The following HGS variants were observed in gnomAD, a reference collection of about 807,000 sequenced individuals.
The protein encoded by HGS is human growth factor-regulated tyrosine kinase substrate.
A neutral mutation model predicts 109.7 loss-of-function variants in HGS; 63 were observed. The ratio of observed to expected loss-of-function variants is 0.57; its 90% CI spans 0.47 to 0.71. HGS has a LOEUF of 0.71. HGS is among the 30% of genes least tolerant of loss of function. The pLI, the probability that HGS is intolerant of heterozygous loss-of-function variation, is 0.00. For synonymous variants in HGS, 546 were observed against 437.3 expected, an observed-to-expected ratio of 1.25 and a Z score of -3.10; for missense variants, 995 against 1,068.3, an observed-to-expected ratio of 0.93 and a Z score of 0.96.
chr17:81,684,771 G>C, intron 1 of HGS: 2 of 247,848 alleles, frequency 8.1e-6, no homozygotes, highest in Non-Finnish European at 1.3e-5. Context: ...AGGAGCTTGG[G>C]TGGTCGAATG....
chr17:81,687,392 C>T (rs1427174561), intron 4 of HGS, among the ~76,000 whole-genome samples: 2 of 152,056 alleles, frequency 1.3e-5, no homozygotes, highest in Admixed American at 6.6e-5. Flanking sequence ...GGCTTGGGCA[C>T]CTGCTGTCTT....
Position 81,691,219 on chromosome 17 carries a change from A to T in HGS, c.538-228A>T. On this transcript the variant is annotated intron_variant, in intron 7 of 21. Coordinates refer to ENST00000329138, the MANE Select transcript of HGS (RefSeq NM_004712.5). The surrounding 1 kb of genome is among the most constrained non-coding windows in gnomAD (Gnocchi z 5.3). ...TGATGTGTATTTTTTCCTTGCCCTT[A>T]CTTTTAACTTACCTTATTTTCCCCA... is the stretch of plus-strand genomic sequence containing the variant. 1 of 554,126 alleles carries T rather than the reference A, an allele frequency of 1.8e-6. No homozygotes were observed. The highest frequency in any genetic ancestry group is 3.2e-6 in the Non-Finnish European group (1 of 308,424). 34.3% of individuals were successfully genotyped at this position (554,126 alleles called of 1,614,324 possible).
chr17:81,693,155 C>A, intron 8 of HGS: 1 of 281,108 alleles, frequency 3.6e-6, no homozygotes, highest in Non-Finnish European at 6.7e-6. Flanking sequence ...GACCTGTTTG[C>A]CCCTTCTTGG....
chr17:81,701,335 A>G, intron 21 of HGS, 173 bp from the exon 22 acceptor site: 2 of 850,122 alleles, frequency 2.4e-6, no homozygotes, highest in South Asian at 1.7e-5. Context: ...GTAGACAGGA[A>G]AAACCGTGAA....
At chr17:81,686,563 C>T (rs999188258) in intron 3 of HGS, among the ~76,000 whole-genome samples, 176 bp downstream of exon 3, 3 of 152,144 alleles carry the variant, frequency 2.0e-5, no homozygotes, top group Non-Finnish European at 2.9e-5. Flanking sequence ...GAGAGGGTCA[C>T]GCTGAGGGAG....
At chr17:81,689,451 TAG>T (rs2037031573) in intron 5 of HGS, among the ~76,000 whole-genome samples, 1 of 151,980 alleles carries the variant, frequency 6.6e-6, no homozygotes, top group African/African-American at 2.4e-5. Context: ...GGGGATTGTG[TAG>T]AGAGAGGTGG....
chr17:81,695,127 G>A, intron 13 of HGS, 37 bp from the exon 14 acceptor site: 1 of 1,613,784 alleles, frequency 6.2e-7, no homozygotes, highest in Non-Finnish European at 8.5e-7. Flanking sequence ...GTGGATGCGG[G>A]ACAGGTTGGA....
rs1458827383 is a variant in HGS at position 81,688,573 on chromosome 17, G to A, written c.292-131G>A. ...GGTGCATGGCCCCCACGCCCCACTC[G>A]GGGGGCCCTCCCTGGCCTCTGTGTC... On this transcript the variant is annotated intron_variant, in intron 4 of 21. Coordinates refer to ENST00000329138, the MANE Select transcript of HGS (RefSeq NM_004712.5). 13 of 1,144,114 alleles carry A rather than the reference G, an allele frequency of 1.1e-5. 1 individual carries two copies. Among genetic ancestry groups the A allele is most frequent in the South Asian group, 1.0e-4 (7 of 68,502 alleles). 70.9% of individuals were successfully genotyped at this position (1,144,114 alleles called of 1,614,324 possible). A position where few individuals can be genotyped will look rare whatever the true frequency, so the allele number is the denominator to read the frequency against.
intron 18 of HGS, chr17:81,697,812 GTTTAT>G (rs1330686925): frequency 1.3e-5 from 2 of 152,144 alleles, no homozygotes; most frequent in Non-Finnish European, 2.9e-5. Flanking sequence ...GTGGAGACGT[GTTTAT>G]TTTTTCTTTC....
intron 1 of HGS, chr17:81,684,475 C>T (rs1194222197): frequency 1.8e-5 from 4 of 218,144 alleles, no homozygotes; most frequent in African/African-American, 9.2e-5. Flanking sequence ...GTTAGGCTCG[C>T]ACTTGGGCTT....
In HGS at chr17:81,700,729, C is replaced by T; in HGVS notation, c.2051C>T (p.Ala684Val). ...TCCCAGGCCCCACAGAGCCTCCCGG[C>T]CATCTCTCAGCCTCCGCAGTCCAGC... Reference protein sequence around the residue: ...VASQAPQSLPAISQPPQSSTM... With the variant: ...VASQAPQSLPVISQPPQSSTM... The change falls in exon 20 of 22, where the codon GCC becomes GTC. Residue 684 changes from alanine to valine, a missense_variant. Ala to Val is a moderately conservative substitution (Grantham distance 64, BLOSUM62 0). Transcript: ENST00000329138. 6.2e-7 allele frequency: 1 copy of T among 1,612,440 alleles called. No individual in the cohort carries two copies. Among genetic ancestry groups the T allele is most frequent in the Non-Finnish European group, 8.5e-7 (1 of 1,179,794 alleles).
chr17:81,690,531 T>C, intron 6 of HGS, 143 bp from the exon 7 acceptor site: 2 of 772,344 alleles, frequency 2.6e-6, no homozygotes, highest in Non-Finnish European at 4.0e-6. Flanking sequence ...GCCACGCCGC[T>C]GGGAAGGGCC....
chr17:81,694,732 T>G, intron 11 of HGS, 83 bp from the exon 12 acceptor site: 2 of 1,554,270 alleles, frequency 1.3e-6, no homozygotes, highest in Non-Finnish European at 1.8e-6. Context: ...GTCTCCAGGA[T>G]CTGTCGCACT....
intron 15 of HGS, 30 bp downstream of exon 15, chr17:81,696,029 C>T (rs1365671301): frequency 2.0e-6 from 3 of 1,514,100 alleles, no homozygotes; most frequent in African/African-American, 1.4e-5. Flanking sequence ...GGCCTCGGCT[C>T]AGGGGCAGCC....
intron 14 of HGS, chr17:81,695,552 A>G: frequency 1.7e-6 from 1 of 600,916 alleles, no homozygotes; most frequent in East Asian, 2.8e-5. Context: ...GTCCCTGGAG[A>G]GGGAGCTGGC....
In HGS at chr17:81,691,348, T is replaced by C; in HGVS notation, c.538-99T>C. On this transcript the variant is annotated intron_variant, in intron 7 of 21. Transcript: ENST00000329138. The surrounding 1 kb of genome is among the most constrained non-coding windows in gnomAD (Gnocchi z 5.3). Reference sequence around the variant, plus strand: ...CTTGTCCCTTGCCTTCCCCCACCTGTGAGGCCCAGCTTCGGCATCGTACGG... The same window carrying C: ...CTTGTCCCTTGCCTTCCCCCACCTGCGAGGCCCAGCTTCGGCATCGTACGG... 1 of 1,485,696 alleles carries C rather than the reference T, an allele frequency of 6.7e-7. No individual in the cohort carries two copies. The highest frequency in any genetic ancestry group is 9.2e-7 in the Non-Finnish European group (1 of 1,084,342). The allele number at this position is 1,485,696 out of a possible 1,614,324, so 92.0% of individuals were successfully genotyped here. A position where few individuals can be genotyped will look rare whatever the true frequency, so the allele number is the denominator to read the frequency against.
At position 81,693,901 on chromosome 17, in the gene HGS, A is replaced by G. The variant is rs2037105193; in HGVS notation, c.872A>G (p.Lys291Arg). 2 of 1,611,382 alleles carry G rather than the reference A, an allele frequency of 1.2e-6. No homozygotes were observed. Among genetic ancestry groups the G allele is most frequent in the Non-Finnish European group, 1.7e-6 (2 of 1,179,692 alleles). ...AAGTCCACGTACACTTCGTACCCCA[A>G]GGCGGAGCCCATGCCCTCGGCCTCC... ...RQKSTYTSYP[K>R]AEPMPSASSA... Residue 291 changes from lysine to arginine, a missense_variant, in exon 11 of 22, where the codon AAG becomes AGG. This residue lies in a region of HGS where 300 missense variants were observed against 235.4 expected (regional missense o/e 1.27). Transcript: ENST00000329138.
Position 81,695,186 on chromosome 17 carries a change from C to A in HGS, c.1142C>A (p.Ser381Tyr). 1 of 1,614,232 alleles carries A rather than the reference C, an allele frequency of 6.2e-7. No individual in the cohort carries two copies. The highest frequency in any genetic ancestry group is 2.2e-5 in the East Asian group (1 of 44,888). ...VVENPLPETDSQPIPPSGGPF... is the reference protein window; with the variant it reads ...VVENPLPETDYQPIPPSGGPF... ...CAGAACCCCCTCCCGGAGACAGACT[C>A]TCAGCCCATTCCTCCCTCTGGTGGC... The change falls in exon 14 of 22, where the codon TCT becomes TAT. Residue 381 changes from serine to tyrosine, a missense_variant. By Grantham distance (144) the Ser-to-Tyr change is moderately radical. Transcript: ENST00000329138.
chr17:81,684,947 A>G, intron 1 of HGS: 1 of 985,422 alleles, frequency 1.0e-6, no homozygotes. Flanking sequence ...CAGTATAGAA[A>G]GTGGACGTGG....
Sources: allele counts gnomAD v4.1 joint callset (sites outside exome capture counted in the v4.1 genomes callset), GRCh38; gene constraint gnomAD v4.1.1; regional missense constraint gnomAD v4.1.1; non-coding constraint Gnocchi (gnomAD v3.1); transcripts MANE v1.5; gene names NCBI Gene and HGNC (gene_info 2026-07-23, HGNC 2026-07-21).